Variants in SMCHD1 observed in about 807,000 individuals in gnomAD.
SMCHD1 encodes the protein structural maintenance of chromosomes flexible hinge domain-containing protein 1.
In SMCHD1, 78 loss-of-function variants were observed where a neutral mutation model predicts 254.7. The ratio of observed to expected loss-of-function variants is 0.31; its 90% CI spans 0.26 to 0.37. The LOEUF (loss-of-function observed/expected upper bound fraction) is 0.37. SMCHD1 is among the 10% of genes least tolerant of loss of function. The pLI, the probability that SMCHD1 is intolerant of heterozygous loss-of-function variation, is 1.00. For missense variants in SMCHD1, 1,840 were observed against 2,408.1 expected (o/e 0.76, Z 4.94); for synonymous variants, 766 against 794.9 (o/e 0.96, Z 0.61).
In SMCHD1 at chr18:2,718,464, A is replaced by G. The variant is rs1472126051; in HGVS notation, c.2458+30A>G. 1.3e-6 allele frequency: 2 copies of G among 1,537,614 alleles called. No individual in the cohort carries two copies. Among genetic ancestry groups the G allele is most frequent in the South Asian group, 1.2e-5 (1 of 80,940 alleles). On this transcript the variant is annotated intron_variant, in intron 19 of 47. Transcript: ENST00000320876. The surrounding 1 kb of genome is among the most constrained non-coding windows in gnomAD (Gnocchi z 4.6). ...GCAAAACAGTAATATATAATTATAT[A>G]TGCTAAAGGTGGCATTTTAAATCCA...
At chr18:2,678,479 G>A (rs2073826919) in intron 5 of SMCHD1, among the ~76,000 whole-genome samples, 1 of 151,758 alleles carries the variant, frequency 6.6e-6, no homozygotes, top group East Asian at 1.9e-4. Context: ...ACTACTCCCG[G>A]CTTATTTTTG....
Position 2,701,033 on chromosome 18 carries a change from A to G in SMCHD1, c.1647+115A>G, listed in dbSNP as rs1272412102. On this transcript the variant is annotated intron_variant, in intron 12 of 47. Coordinates refer to ENST00000320876, the MANE Select transcript of SMCHD1 (RefSeq NM_015295.3). ...ATTTTGCATCAAAAGACTATGATGT[A>G]TAAATTTTTTTATGAGCAGTCAAGT... The G allele has an allele frequency of 8.7e-6, 7 of 808,900 alleles. No homozygotes were observed. In the South Asian group the frequency reaches 1.0e-4, roughly 12 times the overall value. The allele number at this position is 808,900 out of a possible 1,614,324, so 50.1% of individuals were successfully genotyped here.
At chr18:2,761,963 A>T in intron 35 of SMCHD1, 142 bp from the exon 36 acceptor site, 1 of 666,304 alleles carries the variant, frequency 1.5e-6, no homozygotes, top group Non-Finnish European at 2.3e-6. Context: ...CAAATTGATT[A>T]CTTTTAAAAG....
intron 25 of SMCHD1, among the ~76,000 whole-genome samples, chr18:2,737,514 A>T (rs1439778907): frequency 6.6e-6 from 1 of 152,144 alleles, no homozygotes; most frequent in Non-Finnish European, 1.5e-5. Flanking sequence ...GGAGGCCAGG[A>T]GTTTAAGACC....
chr18:2,780,681 G>A (rs1248256987), intron 44 of SMCHD1, among the ~76,000 whole-genome samples: 1 of 152,206 alleles, frequency 6.6e-6, no homozygotes, highest in Admixed American at 6.5e-5. Flanking sequence ...GCATGTGGAA[G>A]TCCCTGATTT....
intron 9 of SMCHD1, 172 bp downstream of exon 9, chr18:2,697,294 A>G (rs2074305142): frequency 2.3e-6 from 1 of 435,846 alleles, no homozygotes; most frequent in African/African-American, 2.1e-5. Flanking sequence ...TCCTAGATGT[A>G]TTTTTCTCAA....
chr18:2,796,085 C>A lies in SMCHD1; in HGVS notation c.5856C>A (p.Leu1952=). The change falls in exon 46 of 48, where the codon CTC becomes CTA. Residue 1952 remains leucine, a synonymous_variant. Transcript: ENST00000320876. Reference sequence around the variant, plus strand: ...AACTTGATGAACATGAGAAAAATCTCAAACTAATAGAGGAAAAACTAGGTA... The same window carrying A: ...AACTTGATGAACATGAGAAAAATCTAAAACTAATAGAGGAAAAACTAGGTA... ...KQELDEHEKN[L]KLIEEKLGMT... The A allele has an allele frequency of 1.3e-6, 2 of 1,568,732 alleles. No individual in the cohort carries two copies. The highest frequency in any genetic ancestry group is 1.2e-5 in the South Asian group (1 of 83,862).
chr18:2,672,972 T>G (rs968303458), intron 3 of SMCHD1: 1 of 644,006 alleles, frequency 1.6e-6, no homozygotes, highest in African/African-American at 2.0e-5. Context: ...ATTTTATGGT[T>G]ATGGTCTTCT....
In SMCHD1 at chr18:2,763,720, T is replaced by C; in HGVS notation, c.4650T>C (p.Asp1550=). 6.2e-7 allele frequency: 1 copy of C among 1,609,972 alleles called. No individual in the cohort carries two copies. Among genetic ancestry groups the C allele is most frequent in the Admixed American group, 1.7e-5 (1 of 59,316 alleles). Reference sequence around the variant, plus strand: ...AAGGCTCTAATGAGGAAGATACTGATACCCCACTTTTTATTGGGAAAGTTA... The same window carrying C: ...AAGGCTCTAATGAGGAAGATACTGACACCCCACTTTTTATTGGGAAAGTTA... ...TIKGSNEEDT[D]TPLFIGKVRT... is the part of the protein sequence containing the mutation. The change falls in exon 37 of 48, where the codon GAT becomes GAC. Residue 1550 remains aspartate (D), a synonymous_variant. Coordinates refer to ENST00000320876, the MANE Select transcript of SMCHD1 (RefSeq NM_015295.3).
intron 25 of SMCHD1, among the ~76,000 whole-genome samples, chr18:2,733,231 C>T (rs2075177246): frequency 6.6e-6 from 1 of 152,098 alleles, no homozygotes; most frequent in Non-Finnish European, 1.5e-5. Flanking sequence ...CTCTGCTGTG[C>T]AAAATTGTAC....
chr18:2,755,758 A>G (rs73365875), intron 34 of SMCHD1, among the ~76,000 whole-genome samples: 6,057 of 151,160 alleles, frequency 0.04, 317 homozygotes, highest in East Asian at 0.19. Flanking sequence ...TAGTAGAGAC[A>G]GGGTTTCACT....
intron 44 of SMCHD1, among the ~76,000 whole-genome samples, chr18:2,783,231 C>T (rs912701910): frequency 2.6e-5 from 4 of 152,172 alleles, no homozygotes; most frequent in African/African-American, 9.7e-5. Context: ...ACATCGTTCA[C>T]ATCTGTTACT....
chr18:2,711,952 A>T (rs570647771), intron 17 of SMCHD1, among the ~76,000 whole-genome samples: 2 of 152,282 alleles, frequency 1.3e-5, no homozygotes, highest in South Asian at 4.1e-4. Context: ...CTCTTTTGCC[A>T]TATGATCTCT....
In SMCHD1 at chr18:2,725,235, G is replaced by A. The variant is rs11080984; in HGVS notation, c.2700+240G>A. 0.3 allele frequency among the ~76,000 whole-genome samples: 44,595 copies of A among 150,828 alleles called. 6,783 individuals are homozygous for A. The highest frequency in any genetic ancestry group is 0.49 in the East Asian group (2,544 of 5,140). Reference sequence around the variant, plus strand: ...AATTAAATATTTTTCACCTCTCCCCGTTATCTATACTTCAGTTTTTTCACA... The same window carrying A: ...AATTAAATATTTTTCACCTCTCCCCATTATCTATACTTCAGTTTTTTCACA... On this transcript the variant is annotated intron_variant, in intron 21 of 47. Coordinates refer to ENST00000320876, the MANE Select transcript of SMCHD1 (RefSeq NM_015295.3).
At chr18:2,681,329 C>A (rs959779024) in intron 5 of SMCHD1, among the ~76,000 whole-genome samples, 1 of 148,268 alleles carries the variant, frequency 6.7e-6, no homozygotes, top group African/African-American at 2.5e-5. Context: ...AGGAGAGTCA[C>A]TTGAACCTGG....
intron 35 of SMCHD1, 146 bp downstream of exon 35, chr18:2,760,885 A>T: frequency 1.9e-6 from 1 of 533,202 alleles, no homozygotes; most frequent in South Asian, 2.9e-5. Context: ...TAATTATTGG[A>T]TGTGAAATAT....
intron 7 of SMCHD1, among the ~76,000 whole-genome samples, chr18:2,691,125 T>G (rs1259319430): frequency 1.3e-5 from 2 of 152,236 alleles, no homozygotes; most frequent in Non-Finnish European, 2.9e-5. Flanking sequence ...TTTGATATTT[T>G]TACATAACAG....
intron 17 of SMCHD1, among the ~76,000 whole-genome samples, chr18:2,713,094 T>C (rs925912744): frequency 2.0e-5 from 3 of 152,198 alleles, no homozygotes; most frequent in African/African-American, 7.2e-5. Flanking sequence ...CTTTGAGAGC[T>C]GTATGAGCTG....
In SMCHD1 at chr18:2,796,461, A is replaced by T; in HGVS notation, c.5933A>T (p.Glu1978Val). The change falls in exon 47 of 48, where the codon GAG becomes GTG. Residue 1978 changes from glutamate to valine, a missense_variant. Coordinates refer to ENST00000320876, the MANE Select transcript of SMCHD1 (RefSeq NM_015295.3). ...NDSLRHSPKVETTDCPVPPKR... is the reference protein window; with the variant it reads ...NDSLRHSPKVVTTDCPVPPKR... ...TCATTGCGTCATTCACCAAAGGTTG[A>T]GACGACAGATTGTCCAGTTCCTCCT... The T allele has an allele frequency of 1.2e-6, 2 of 1,606,498 alleles. No homozygotes were observed. The highest frequency in any genetic ancestry group is 1.7e-6 in the Non-Finnish European group (2 of 1,176,456).
Sources: allele counts gnomAD v4.1 joint callset (sites outside exome capture counted in the v4.1 genomes callset), GRCh38; gene constraint gnomAD v4.1.1; non-coding constraint Gnocchi (gnomAD v3.1); transcripts MANE v1.5; gene names NCBI Gene and HGNC (gene_info 2026-07-23, HGNC 2026-07-21).